DDX19B: variants seen among roughly 807,000 people sequenced by gnomAD.
DDX19B encodes the protein DEAD-box helicase 19B.
In DDX19B, 27 loss-of-function variants were observed where a neutral mutation model predicts 58.1. The observed-to-expected ratio is 0.46, with a 90% CI of 0.34 to 0.64. The LOEUF is 0.64. Ranked by LOEUF, DDX19B falls within the 30% of genes least tolerant of loss-of-function variation. The probability of loss-of-function intolerance (pLI) is 0.01; values close to 1 mark genes in which losing one functional copy is unlikely to be tolerated. For synonymous variants in DDX19B, 187 were observed against 214.4 expected (o/e 0.87, Z 1.12); for missense variants, 399 against 596.5 (o/e 0.67, Z 3.45).
chr16:70,294,170 C>T (rs1961136591), upstream of DDX19B, among the ~76,000 whole-genome samples: 2 of 146,772 alleles, frequency 1.4e-5, no homozygotes. Flanking sequence ...CAAGCTCCGC[C>T]TCCCGGGTTC....
chr16:70,290,295 T>A (rs144424156), upstream of DDX19B, among the ~76,000 whole-genome samples: 1 of 152,138 alleles, frequency 6.6e-6, no homozygotes, highest in East Asian at 1.9e-4. Context: ...CCTAGCACTT[T>A]GGGAGGCTGA....
intron 1 of DDX19B, among the ~76,000 whole-genome samples, chr16:70,305,192 C>G (rs1316890717): frequency 6.6e-6 from 1 of 152,138 alleles, no homozygotes; most frequent in Admixed American, 6.6e-5. Flanking sequence ...AACTTTCCTC[C>G]CGGTCTGGCC....
chr16:70,334,722 C>T lies in DDX19B; in HGVS notation c.*1140C>T, dbSNP rs1963637666. On this transcript the variant is annotated 3_prime_UTR_variant, in exon 12 of 12. Transcript: ENST00000288071. The stretch of plus-strand genomic sequence containing the variant: ...TTATCTGTCCAAGGCAAGAGTATCA[C>T]CAAGGCCTTTGCTCCAGCCTTACTT... 6.6e-6 allele frequency: 1 copy of T among 152,222 alleles called. No homozygotes were observed. The highest frequency in any genetic ancestry group is 2.4e-5 in the African/African-American group (1 of 41,446). The allele number at this position is 152,222 out of a possible 1,614,324, so 9.4% of individuals were successfully genotyped here.
At chr16:70,304,886 T>C (rs909869931) in intron 1 of DDX19B, among the ~76,000 whole-genome samples, 3 of 152,168 alleles carry the variant, frequency 2.0e-5, no homozygotes, top group African/African-American at 7.2e-5. Flanking sequence ...ACTGTTCCTT[T>C]TTTACAGACA....
intron 7 of DDX19B, among the ~76,000 whole-genome samples, chr16:70,327,376 T>C (rs1963220693): frequency 6.6e-6 from 1 of 151,630 alleles, no homozygotes; most frequent in Non-Finnish European, 1.5e-5. Context: ...CTACTAAACA[T>C]AGAAAAATTA....
chr16:70,292,524 T>C (rs1961087014), upstream of DDX19B, among the ~76,000 whole-genome samples: 1 of 152,208 alleles, frequency 6.6e-6, no homozygotes, highest in Non-Finnish European at 1.5e-5. Context: ...AATTATCTAA[T>C]GATATTTTTC....
intron 5 of DDX19B, 71 bp downstream of exon 5, chr16:70,317,659 GC>G: frequency 7.1e-7 from 1 of 1,417,890 alleles, no homozygotes; most frequent in Non-Finnish European, 9.8e-7. Flanking sequence ...ATTTTCACAG[GC>G]CAGCAAGGTG....
At chr16:70,332,947 C>T (rs767038910) in intron 10 of DDX19B, 21 bp from the exon 11 acceptor site, 3 of 1,613,882 alleles carry the variant, frequency 1.9e-6, no homozygotes, top group Admixed American at 1.7e-5. Context: ...TCCTCTCAGC[C>T]TCCAACTCTC....
chr16:70,328,895 C>G (rs1217240003), intron 7 of DDX19B, among the ~76,000 whole-genome samples: 1 of 151,714 alleles, frequency 6.6e-6, no homozygotes, highest in Non-Finnish European at 1.5e-5. Context: ...TAGAATTTCT[C>G]AGAGAGAAGA....
intron 1 of DDX19B, among the ~76,000 whole-genome samples, chr16:70,302,023 C>G (rs1047473314): frequency 2.0e-5 from 3 of 150,946 alleles, no homozygotes; most frequent in African/African-American, 7.3e-5. Context: ...TGAGTTCAAG[C>G]GATTCTCCTG....
intron 5 of DDX19B, among the ~76,000 whole-genome samples, chr16:70,323,432 T>TC: frequency 6.7e-6 from 1 of 150,052 alleles, no homozygotes; most frequent in East Asian, 2.0e-4. Context: ...TTTTTTCTTT[T>TC]TTTTTTTTTG....
chr16:70,325,437 A>T, intron 6 of DDX19B, 137 bp from the exon 7 acceptor site: 1 of 637,240 alleles, frequency 1.6e-6, no homozygotes, highest in Non-Finnish European at 2.8e-6. Flanking sequence ...TAGCTTAAAG[A>T]ATCAAATGGT....
chr16:70,310,264 T>C (rs1962013601), intron 1 of DDX19B, among the ~76,000 whole-genome samples: 1 of 151,480 alleles, frequency 6.6e-6, no homozygotes, highest in South Asian at 2.1e-4. Context: ...GCCTGTAGTC[T>C]CAGCTACTTG....
At chr16:70,324,175 A>G (rs1963008580) in intron 5 of DDX19B, among the ~76,000 whole-genome samples, 1 of 152,038 alleles carries the variant, frequency 6.6e-6, no homozygotes, top group Non-Finnish European at 1.5e-5. Flanking sequence ...GTCTTTGGGC[A>G]GAGAAGTAAT....
At chr16:70,298,295 A>G (rs954338840), upstream of DDX19B, among the ~76,000 whole-genome samples, 6 of 151,804 alleles carry the variant, frequency 4.0e-5, no homozygotes, top group African/African-American at 1.4e-4. Context: ...AATCCCAGCT[A>G]CTTGGGAGGC....
Position 70,329,485 on chromosome 16 carries a change from GT to G in DDX19B, c.785+17del, listed in dbSNP as rs771229573. 3.7e-6 allele frequency: 6 copies of G among 1,613,364 alleles called. No individual in the cohort carries two copies. In the East Asian group the frequency reaches 1.1e-4, roughly 30 times the overall value. On this transcript the variant is annotated intron_variant, in intron 8 of 11. Transcript: ENST00000288071. ...GCATCCAGAGGTAGGGATCTCGAGG[GT>G]GGGGGACTCCTCAGATTCCCCATCT...
In DDX19B at chr16:70,317,237, G is replaced by A. The variant is rs556825899; in HGVS notation, c.297-259G>A. On this transcript the variant is annotated intron_variant, in intron 4 of 11. Coordinates refer to ENST00000288071, the MANE Select transcript of DDX19B (RefSeq NM_007242.7). Reference sequence around the variant, plus strand: ...AAAAAAAAAAAAAAAAAAAATTAGCGGGGCATGGTGCCATGTACCTGTAAT... The same window carrying A: ...AAAAAAAAAAAAAAAAAAAATTAGCAGGGCATGGTGCCATGTACCTGTAAT... 159 of 211,844 alleles carry A rather than the reference G, an allele frequency of 7.5e-4. 1 individual carries two copies. In the South Asian group the frequency reaches 0.02, roughly 27 times the overall value. The allele number at this position is 211,844 out of a possible 1,614,324, so 13.1% of individuals were successfully genotyped here. A position where few individuals can be genotyped will look rare whatever the true frequency, so the allele number is the denominator to read the frequency against.
intron 2 of DDX19B, among the ~76,000 whole-genome samples, 178 bp downstream of exon 2, chr16:70,312,835 A>AT (rs1198881795): frequency 6.6e-6 from 1 of 151,788 alleles, no homozygotes; most frequent in Non-Finnish European, 1.5e-5. Flanking sequence ...GTTTTTATTT[A>AT]TTTTTTTGTT....
chr16:70,306,848 T>G (rs1303607385), intron 1 of DDX19B, among the ~76,000 whole-genome samples: 5 of 152,160 alleles, frequency 3.3e-5, no homozygotes, highest in Non-Finnish European at 7.3e-5. Flanking sequence ...AAAAGGAAAC[T>G]CTGTACACAT....
Sources: gnomAD v4.1 joint callset for allele counts (sites outside exome capture counted in the v4.1 genomes callset) on GRCh38, gnomAD v4.1.1 for gene constraint, MANE v1.5 for transcripts, NCBI Gene and HGNC (gene_info 2026-07-23, HGNC 2026-07-21) for gene names.